BEST1: variants seen among roughly 807,000 people sequenced by gnomAD.
BEST1 encodes bestrophin-1.
A neutral mutation model predicts 63.3 loss-of-function variants in BEST1; 58 were observed. That is an observed-to-expected ratio of 0.92 (90% CI 0.74 to 1.14). The LOEUF (loss-of-function observed/expected upper bound fraction) is 1.14, where lower values mean the gene tolerates loss of function less well. BEST1 is among the 50% of genes most tolerant of loss of function. The pLI, the probability that BEST1 is intolerant of heterozygous loss-of-function variation, is 0.00. For missense variants in BEST1, 671 were observed against 740.1 expected (o/e 0.91, Z 1.08); for synonymous variants, 283 against 291.6 (o/e 0.97, Z 0.30).
intron 3 of BEST1, 81 bp downstream of exon 3, chr11:61,955,282 G>T: frequency 2.5e-6 from 4 of 1,607,630 alleles, no homozygotes. Context: ...ACGAGGAGCT[G>T]CGGCAAGGGG....
Position 61,958,331 on chromosome 11 carries a change from G to A in BEST1, c.867+33G>A, listed in dbSNP as rs1269584743. 4 of 1,614,110 alleles carry A rather than the reference G, an allele frequency of 2.5e-6. No homozygotes were observed. The Admixed American group carries it at 6.7e-5, about 27-fold the overall frequency. ...TCTCCAGGGCCCTGCTGGGCTGGAGGCATGGCCAGAGGGGTCATGGCCAGC... is the reference window on the plus strand; with the variant it reads ...TCTCCAGGGCCCTGCTGGGCTGGAGACATGGCCAGAGGGGTCATGGCCAGC... On this transcript the variant is annotated intron_variant, in intron 7 of 10. Transcript: ENST00000378043.
downstream of BEST1, chr11:61,965,086 G>A (rs1409001056): frequency 5.0e-6 from 8 of 1,606,812 alleles, no homozygotes; most frequent in Middle Eastern, 1.7e-4. Context: ...CATTCAGCCC[G>A]CTCTCCCAGT....
chr11:61,951,934 A>G lies in BEST1; in HGVS notation c.128A>G (p.Tyr43Cys). 1 of 1,613,768 alleles carries G rather than the reference A, an allele frequency of 6.2e-7. No individual in the cohort carries two copies. Among genetic ancestry groups the G allele is most frequent in the Non-Finnish European group, 8.5e-7 (1 of 1,179,926 alleles). Residue 43 changes from tyrosine (Y) to cysteine (C), a missense_variant, in exon 2 of 11, where the codon TAC becomes TGC. Tyr to Cys is a radical substitution (Grantham distance 194). Coordinates refer to ENST00000378043, the MANE Select transcript of BEST1 (RefSeq NM_004183.4). Reference sequence around the variant, plus strand: ...GAGTTCTTAATCTTCCTGCTCTGCTACTACATCATCCGCTTTATTTATAGG... The same window carrying G: ...GAGTTCTTAATCTTCCTGCTCTGCTGCTACATCATCCGCTTTATTTATAGG... ...YGEFLIFLLC[Y>C]YIIRFIYRLA...
intron 7 of BEST1, chr11:61,958,502 G>T: frequency 7.1e-7 from 1 of 1,408,212 alleles, no homozygotes; most frequent in East Asian, 2.5e-5. Flanking sequence ...GGAGGTTGTG[G>T]TGAGTTGAGA....
chr11:61,959,177 C>T (rs1398756998), intron 7 of BEST1: 1 of 416,846 alleles, frequency 2.4e-6, no homozygotes, highest in Non-Finnish European at 4.5e-6. Context: ...ATCTCTGTTG[C>T]ATGAATGAAT....
intron 1 of BEST1, among the ~76,000 whole-genome samples, chr11:61,950,955 T>TG (rs1207019252): frequency 6.6e-6 from 1 of 152,068 alleles, no homozygotes; most frequent in Non-Finnish European, 1.5e-5. Context: ...GATCAGCAGG[T>TG]GGAAAGGCCC....
chr11:61,953,805 G>C (rs195168), intron 2 of BEST1, among the ~76,000 whole-genome samples: 61,524 of 152,048 alleles, frequency 0.4, 16,055 homozygotes, highest in Middle Eastern at 0.63. Flanking sequence ...AGGATTGCTT[G>C]AGCCCAGGAG....
chr11:61,957,539 A>C, intron 6 of BEST1, 75 bp downstream of exon 6: 1 of 1,432,388 alleles, frequency 7.0e-7, no homozygotes, highest in Non-Finnish European at 9.8e-7. Context: ...CTGGGGTGGG[A>C]AGGGCTCACC....
At chr11:61,962,029 C>G (rs1206064827) in intron 9 of BEST1, 1 of 589,678 alleles carries the variant, frequency 1.7e-6, no homozygotes, top group Non-Finnish European at 3.0e-6. Context: ...GATGTTAACT[C>G]TGGTCAAGAG....
rs768082286 is a variant in BEST1, at chr11:61,958,369, C to T, written c.867+71C>T. ...GGTCATGGCCAGCAGCTGCCTGAGA[C>T]GAGGATGCAGTGTCAGGAAAGGAAG... On this transcript the variant is annotated intron_variant, in intron 7 of 10. Transcript: ENST00000378043. 15 of 1,610,728 alleles carry T rather than the reference C, an allele frequency of 9.3e-6. No individual in the cohort carries two copies. In the South Asian group the frequency reaches 1.1e-4, roughly 12 times the overall value.
intron 10 of BEST1, chr11:61,963,280 G>C: frequency 7.3e-7 from 1 of 1,371,162 alleles, no homozygotes; most frequent in Non-Finnish European, 9.4e-7. Context: ...TGAGGTGGCA[G>C]TCAGCTGGAT....
rs1288913410 is a variant in BEST1 at position 61,964,455 on chromosome 11, A to C, written c.*333A>C. 1.6e-6 allele frequency: 1 copy of C among 613,558 alleles called. No homozygotes were observed. The highest frequency in any genetic ancestry group is 1.9e-5 in the African/African-American group (1 of 54,044). 38.0% of individuals were successfully genotyped at this position (613,558 alleles called of 1,614,324 possible). A position where few individuals can be genotyped will look rare whatever the true frequency, so the allele number is the denominator to read the frequency against. Reference sequence around the variant, plus strand: ...ACTAATGAGTTTAATAAATACAAATACTCGTTTCTTTTTGATTAGTGTGAT... The same window carrying C: ...ACTAATGAGTTTAATAAATACAAATCCTCGTTTCTTTTTGATTAGTGTGAT... On this transcript the variant is annotated 3_prime_UTR_variant, in exon 11 of 11. Transcript: ENST00000378043.
chr11:61,956,781 C>T, intron 4 of BEST1, 63 bp from the exon 5 acceptor site: 1 of 1,600,284 alleles, frequency 6.2e-7, no homozygotes, highest in Non-Finnish European at 8.5e-7. Flanking sequence ...TATAGGTCAG[C>T]AGGTGCCGGC....
rs537948782 is a variant in BEST1, at chr11:61,962,609, G to A, written c.1455G>A (p.Ala485=). The A allele has an allele frequency of 3.5e-5, 57 of 1,614,086 alleles. 2 individuals are homozygous for A. The highest frequency in any genetic ancestry group is 2.4e-4 in the South Asian group (22 of 91,070). The change falls in exon 10 of 11, where the codon GCG becomes GCA. Residue 485 remains alanine (A), a synonymous_variant. Coordinates refer to ENST00000378043, the MANE Select transcript of BEST1 (RefSeq NM_004183.4). ...TPMFFPLEPS[A]PSKLHSVTGI... Reference sequence around the variant, plus strand: ...TGTTCTTCCCCCTAGAACCATCAGCGCCGTCAAAGCTTCACAGTGTCACAG... The same window carrying A: ...TGTTCTTCCCCCTAGAACCATCAGCACCGTCAAAGCTTCACAGTGTCACAG...
At chr11:61,959,324 G>C (rs1002731676) in intron 7 of BEST1, 174 bp from the exon 8 acceptor site, 2 of 682,854 alleles carry the variant, frequency 2.9e-6, no homozygotes, top group Non-Finnish European at 5.3e-6. Flanking sequence ...GTCCAGAAGT[G>C]TGTGGGTGCC....
intron 10 of BEST1, chr11:61,963,190 G>A: frequency 2.1e-6 from 3 of 1,435,276 alleles, no homozygotes; most frequent in Non-Finnish European, 2.7e-6. Flanking sequence ...CTGCCCCAGG[G>A]CTGACAGGCC....
intron 8 of BEST1, 144 bp from the exon 9 acceptor site, chr11:61,959,748 G>A (rs767212251): frequency 7.5e-7 from 1 of 1,342,182 alleles, no homozygotes; most frequent in Non-Finnish European, 1.0e-6. Flanking sequence ...CTTTGAGGCT[G>A]CAGGCAGGCA....
chr11:61,964,738 T>C (rs1396060220), downstream of BEST1: 4 of 1,598,640 alleles, frequency 2.5e-6, no homozygotes, highest in South Asian at 3.3e-5. Context: ...TAGCTTTCAT[T>C]ATCACTGTCT....
chr11:61,964,537 T>C (rs1287650512), downstream of BEST1: 5 of 690,368 alleles, frequency 7.2e-6, no homozygotes, highest in Non-Finnish European at 9.8e-6. Flanking sequence ...AGATTTCTGA[T>C]TCATCCCAAG....
Sources: gnomAD v4.1 joint callset for allele counts (sites outside exome capture counted in the v4.1 genomes callset) on GRCh38, gnomAD v4.1.1 for gene constraint, MANE v1.5 for transcripts, NCBI Gene and HGNC (gene_info 2026-07-23, HGNC 2026-07-21) for gene names.